CNKSR2: variants seen among roughly 807,000 people sequenced by gnomAD.
CNKSR2 encodes the protein connector enhancer of kinase suppressor of Ras 2, also known as CNK homolog protein 2.
Under a neutral mutation model 84.4 loss-of-function variants are expected in CNKSR2, and 14 were observed. The ratio of observed to expected loss-of-function variants is 0.17; its 90% CI spans 0.11 to 0.26. The LOEUF (loss-of-function observed/expected upper bound fraction) is 0.26. Among genes scored for constraint, CNKSR2 ranks in the 10% least tolerant of loss-of-function variants. The pLI is 1.00. For missense variants in CNKSR2, 485 were observed against 771.2 expected (o/e 0.63, Z 4.40); for synonymous variants, 275 against 277.9 (o/e 0.99, Z 0.10).
chrX:21,529,934 C>A (rs1238021155), intron 10 of CNKSR2, among the ~76,000 whole-genome samples: 1 of 110,615 alleles, frequency 9.0e-6, no homozygotes, highest in Non-Finnish European at 1.9e-5. Flanking sequence ...ATTAATAGGG[C>A]TGAATCACCC....
intron 1 of CNKSR2, among the ~76,000 whole-genome samples, chrX:21,378,232 A>G (rs7066612): frequency 0.015 from 1,693 of 111,864 alleles, 19 homozygotes; most frequent in African/African-American, 0.052. Flanking sequence ...TTTTAATATT[A>G]ATCTTATAAA....
intron 1 of CNKSR2, among the ~76,000 whole-genome samples, chrX:21,416,932 CTTATCTTTA>C (rs918162120): frequency 2.5e-3 from 277 of 111,434 alleles, no homozygotes; most frequent in Middle Eastern, 0.014. Context: ...TGTCTATGGT[CTTATCTTTA>C]TTATCTCTTC....
chrX:21,431,798 A>C (rs893444757), intron 2 of CNKSR2, among the ~76,000 whole-genome samples: 7 of 111,847 alleles, frequency 6.3e-5, no homozygotes, highest in African/African-American at 2.3e-4. Context: ...TTATTCATAT[A>C]ACCCGTTTCT....
At chrX:21,385,151 A>AG (rs1411085223) in intron 1 of CNKSR2, among the ~76,000 whole-genome samples, 1 of 111,848 alleles carries the variant, frequency 8.9e-6, no homozygotes, top group Non-Finnish European at 1.9e-5. Context: ...AATATAGTAC[A>AG]GGTAAGAGCA....
chrX:21,456,856 C>T (rs934057775), intron 4 of CNKSR2, among the ~76,000 whole-genome samples: 6 of 111,795 alleles, frequency 5.4e-5, no homozygotes, highest in African/African-American at 1.9e-4. Flanking sequence ...ATTCTCTTCT[C>T]TACGTTTTTG....
chrX:21,390,979 G>A (rs2090041154), intron 1 of CNKSR2, among the ~76,000 whole-genome samples: 1 of 111,896 alleles, frequency 8.9e-6, no homozygotes, highest in Non-Finnish European at 1.9e-5. Flanking sequence ...AACCCAGCAG[G>A]GCGGTCATTA....
chrX:21,453,813 G>A (rs750709925), intron 4 of CNKSR2, among the ~76,000 whole-genome samples: 6 of 111,388 alleles, frequency 5.4e-5, no homozygotes, highest in Non-Finnish European at 1.1e-4. Flanking sequence ...AGGGAAGCAG[G>A]CACATCTTAC....
chrX:21,412,273 T>C (rs759311919), intron 1 of CNKSR2, among the ~76,000 whole-genome samples: 1 of 112,269 alleles, frequency 8.9e-6, no homozygotes, highest in Non-Finnish European at 1.9e-5. Context: ...CCTGGAAGAC[T>C]GTCTCCTCTT....
At chrX:21,647,303 G>C (rs984102664) in intron 20 of CNKSR2, among the ~76,000 whole-genome samples, 9 of 112,013 alleles carry the variant, frequency 8.0e-5, no homozygotes, top group Non-Finnish European at 1.5e-4. Context: ...TTCAGTAGCA[G>C]AGCCAAAAGT....
At position 21,440,835 on chromosome X, in the gene CNKSR2, A is replaced by G. The variant is rs183532929; in HGVS notation, c.519+54A>G. ...AATTTATTAGCAACTTCATATTCCA[A>G]CAATGGGAAGTATCCTATGTACCAA... On this transcript the variant is annotated intron_variant, in intron 4 of 21. Transcript: ENST00000379510. 101 of 749,060 alleles carry G rather than the reference A, an allele frequency of 1.3e-4. No homozygotes were observed. The East Asian group carries it at 3.3e-3, about 24-fold the overall frequency. The allele number at this position is 749,060 out of a possible 1,213,427, so 61.7% of individuals were successfully genotyped here.
chrX:21,501,264 G>C (rs1489183326), intron 7 of CNKSR2, among the ~76,000 whole-genome samples: 1 of 110,146 alleles, frequency 9.1e-6, no homozygotes, highest in Non-Finnish European at 1.9e-5. Flanking sequence ...TTGCATTTCT[G>C]TTTGTTGTCA....
At chrX:21,605,592 T>C (rs2092511805) in intron 18 of CNKSR2, among the ~76,000 whole-genome samples, 1 of 112,004 alleles carries the variant, frequency 8.9e-6, no homozygotes, top group South Asian at 3.7e-4. Context: ...CAACTTAGTC[T>C]CCAGAGCTTT....
chrX:21,502,775 A>G (rs922034283), intron 8 of CNKSR2, among the ~76,000 whole-genome samples: 13 of 111,659 alleles, frequency 1.2e-4, no homozygotes, highest in Non-Finnish European at 2.1e-4. Context: ...TACCTTTGAC[A>G]CTGAATAATA....
intron 18 of CNKSR2, among the ~76,000 whole-genome samples, chrX:21,604,030 G>A (rs144485135): frequency 0.029 from 3,238 of 110,878 alleles, 118 homozygotes; most frequent in African/African-American, 0.1. Flanking sequence ...AAATTAATTT[G>A]CCATTAGAAT....
At chrX:21,626,483 A>G (rs2092624502) in intron 20 of CNKSR2, among the ~76,000 whole-genome samples, 1 of 111,561 alleles carries the variant, frequency 9.0e-6, no homozygotes, top group Non-Finnish European at 1.9e-5. Context: ...TTAATGTGGG[A>G]GAATACAGGT....
At chrX:21,552,728 A>G (rs1435229778) in intron 11 of CNKSR2, among the ~76,000 whole-genome samples, 1 of 112,159 alleles carries the variant, frequency 8.9e-6, no homozygotes, top group Non-Finnish European at 1.9e-5. Flanking sequence ...AAACTAAAGT[A>G]AGAAAAACTA....
chrX:21,616,322 C>A (rs2092576386), intron 20 of CNKSR2, among the ~76,000 whole-genome samples: 1 of 111,722 alleles, frequency 9.0e-6, no homozygotes, highest in South Asian at 3.7e-4. Context: ...CAGTATATGG[C>A]CCATAGTAGC....
intron 1 of CNKSR2, among the ~76,000 whole-genome samples, chrX:21,379,672 A>AGTTTTAAT (rs1412684180): frequency 9.0e-6 from 1 of 111,705 alleles, no homozygotes; most frequent in Non-Finnish European, 1.9e-5. Context: ...TTTTGCATGG[A>AGTTTTAAT]GGGTGCTTTA....
chrX:21,427,456 A>G (rs988188119), intron 2 of CNKSR2: 12 of 111,425 alleles, frequency 1.1e-4, no homozygotes, highest in African/African-American at 3.9e-4. Flanking sequence ...TGGGTAGTGA[A>G]TTCTAATTTT....
Sources: allele counts gnomAD v4.1 joint callset (sites outside exome capture counted in the v4.1 genomes callset), GRCh38; gene constraint gnomAD v4.1.1; transcripts MANE v1.5; gene names NCBI Gene and HGNC (gene_info 2026-07-23, HGNC 2026-07-21).